Variants in MAPK8 observed in about 807,000 individuals in gnomAD.
MAPK8 encodes the protein mitogen-activated protein kinase 8.
MAPK8 carries 13 observed loss-of-function variants against 52.9 expected under a neutral mutation model. The observed-to-expected ratio is 0.25, with a 90% CI of 0.16 to 0.39. MAPK8 has a LOEUF of 0.39. Among genes scored for constraint, MAPK8 ranks in the 10% least tolerant of loss-of-function variants. MAPK8 has a pLI of 1.00. For synonymous variants in MAPK8, 191 were observed against 169.8 expected (o/e 1.12, Z -0.97); for missense variants, 300 against 519.2 (o/e 0.58, Z 4.10).
intron 1 of MAPK8, among the ~76,000 whole-genome samples, chr10:48,319,847 G>A (rs978210719): frequency 2.0e-5 from 3 of 151,942 alleles, no homozygotes; most frequent in Non-Finnish European, 4.4e-5. Context: ...TTTGTGACTG[G>A]CTTATTTCAC....
intron 1 of MAPK8, among the ~76,000 whole-genome samples, chr10:48,390,049 C>T (rs960825688): frequency 9.9e-5 from 15 of 152,034 alleles, no homozygotes; most frequent in Non-Finnish European, 1.6e-4. Context: ...ACCAGAACAC[C>T]GAATGTAGTT....
At chr10:48,413,841 ATATATATATATATATATATT>A (rs2042907870) in intron 5 of MAPK8, among the ~76,000 whole-genome samples, 2 of 123,914 alleles carry the variant, frequency 1.6e-5, no homozygotes, top group African/African-American at 6.5e-5. Flanking sequence ...ATATATATAT[ATATATATATATATATATATT>A]CAGAAATATT....
chr10:48,333,447 A>G (rs1844340025), intron 1 of MAPK8, among the ~76,000 whole-genome samples: 1 of 152,186 alleles, frequency 6.6e-6, no homozygotes, highest in African/African-American at 2.4e-5. Flanking sequence ...CTTGGAGACA[A>G]AAGCAGCAGG....
intron 5 of MAPK8, among the ~76,000 whole-genome samples, chr10:48,414,821 A>G (rs185182083): frequency 8.5e-5 from 13 of 152,130 alleles, no homozygotes; most frequent in African/African-American, 1.2e-4. Flanking sequence ...GCTTCAAGCA[A>G]TCCAGCTGCC....
chr10:48,420,588 A>T (rs527944334), intron 6 of MAPK8, among the ~76,000 whole-genome samples: 1 of 152,300 alleles, frequency 6.6e-6, no homozygotes, highest in South Asian at 2.1e-4. Context: ...GACAGAATTT[A>T]TGCTCTTTGC....
intron 1 of MAPK8, among the ~76,000 whole-genome samples, chr10:48,386,942 C>A (rs1227178877): frequency 6.6e-6 from 1 of 152,202 alleles, no homozygotes; most frequent in Non-Finnish European, 1.5e-5. Flanking sequence ...TTACTGATTT[C>A]ATGTGTCTGG....
chr10:48,410,718 C>G (rs2042701636), intron 5 of MAPK8, among the ~76,000 whole-genome samples: 1 of 152,220 alleles, frequency 6.6e-6, no homozygotes, highest in Non-Finnish European at 1.5e-5. Context: ...TCAAACTGCA[C>G]AGTGACTGCA....
At chr10:48,424,224 A>G in intron 7 of MAPK8, 65 bp downstream of exon 7, 1 of 1,372,070 alleles carries the variant, frequency 7.3e-7, no homozygotes, top group Non-Finnish European at 1.0e-6. Flanking sequence ...TCTCTAATGA[A>G]AATGAATATG....
chr10:48,348,188 T>G (rs551787223), intron 1 of MAPK8, among the ~76,000 whole-genome samples: 1 of 152,370 alleles, frequency 6.6e-6, no homozygotes, highest in East Asian at 1.9e-4. Flanking sequence ...CATAAATGTC[T>G]TCTTTTGAGA....
chr10:48,354,100 G>A (rs1367802134), intron 1 of MAPK8, among the ~76,000 whole-genome samples: 2 of 151,948 alleles, frequency 1.3e-5, no homozygotes, highest in South Asian at 4.2e-4. Context: ...CAGGGTACAG[G>A]GGACCTCTTT....
At chr10:48,322,940 C>G (rs1402333396) in intron 1 of MAPK8, among the ~76,000 whole-genome samples, 1 of 152,122 alleles carries the variant, frequency 6.6e-6, no homozygotes, top group African/African-American at 2.4e-5. Context: ...TAGTTGCTCT[C>G]AGTACGATAA....
At chr10:48,425,036 T>C (rs1240936768) in intron 7 of MAPK8, 4 of 603,296 alleles carry the variant, frequency 6.6e-6, no homozygotes, top group African/African-American at 1.9e-5. Context: ...GACCCTTTCA[T>C]CTGAGAATTT....
At chr10:48,338,859 C>G (rs1481741245) in intron 1 of MAPK8, among the ~76,000 whole-genome samples, 2 of 151,708 alleles carry the variant, frequency 1.3e-5, no homozygotes, top group Non-Finnish European at 3.0e-5. Flanking sequence ...CACACAATAT[C>G]TAGAATTACA....
intron 5 of MAPK8, among the ~76,000 whole-genome samples, chr10:48,412,911 G>A (rs1209245761): frequency 6.6e-6 from 1 of 152,070 alleles, no homozygotes. Context: ...ATCTTGTGAA[G>A]ATGCAACTCT....
chr10:48,324,230 A>G (rs1287371596), intron 1 of MAPK8, among the ~76,000 whole-genome samples: 3 of 152,198 alleles, frequency 2.0e-5, no homozygotes, highest in East Asian at 3.8e-4. Flanking sequence ...TATTCCCCCA[A>G]AAGGTCAGTT....
chr10:48,361,220 C>T (rs555525306), intron 1 of MAPK8, among the ~76,000 whole-genome samples: 18 of 152,200 alleles, frequency 1.2e-4, no homozygotes, highest in Admixed American at 3.9e-4. Context: ...GCATATTACC[C>T]CTGATCACAT....
At chr10:48,399,009 T>C (rs2042026134) in intron 1 of MAPK8, among the ~76,000 whole-genome samples, 1 of 152,144 alleles carries the variant, frequency 6.6e-6, no homozygotes, top group Admixed American at 6.5e-5. Context: ...TTGCATTCGA[T>C]TTGTTTTTTT....
chr10:48,435,054 A>AG lies in MAPK8; in HGVS notation c.*28dup. Reference sequence around the variant, plus strand: ...ACTACTTGGGCCATCGGGGGGTGGGAGGGATGGGGAGTCGGTTAGTCATTG... The same window carrying AG: ...ACTACTTGGGCCATCGGGGGGTGGGAGGGGATGGGGAGTCGGTTAGTCATTG... On this transcript the variant is annotated 3_prime_UTR_variant, in exon 12 of 12. Coordinates refer to ENST00000374189, the MANE Select transcript of MAPK8 (RefSeq NM_001323329.2). 1 of 373,718 alleles carries AG rather than the reference A, an allele frequency of 2.7e-6. No individual in the cohort carries two copies. The highest frequency in any genetic ancestry group is 2.5e-5 in the South Asian group (1 of 39,848). The allele number at this position is 373,718 out of a possible 1,614,324, so 23.2% of individuals were successfully genotyped here.
At chr10:48,376,541 A>T (rs1317013565) in intron 1 of MAPK8, among the ~76,000 whole-genome samples, 1 of 152,184 alleles carries the variant, frequency 6.6e-6, no homozygotes, top group Non-Finnish European at 1.5e-5. Context: ...TTACAAGAAA[A>T]AAGCAACCCC....
Sources: gnomAD v4.1 joint callset for allele counts (sites outside exome capture counted in the v4.1 genomes callset) on GRCh38, gnomAD v4.1.1 for gene constraint, MANE v1.5 for transcripts, NCBI Gene and HGNC (gene_info 2026-07-23, HGNC 2026-07-21) for gene names.